The following OPCML variants were observed in gnomAD, a reference collection of about 807,000 sequenced individuals.
The protein encoded by OPCML is opioid-binding protein/cell adhesion molecule.
Under a neutral mutation model 37.8 loss-of-function variants are expected in OPCML, and 13 were observed. That is an observed-to-expected ratio of 0.34 (90% confidence interval 0.22 to 0.55). The LOEUF (loss-of-function observed/expected upper bound fraction) is 0.55. Ranked by LOEUF, OPCML falls within the 20% of genes least tolerant of loss-of-function variation. The pLI, the probability that OPCML is intolerant of heterozygous loss-of-function variation, is 0.91. For missense variants in OPCML, 341 were observed against 435.6 expected, an observed-to-expected ratio of 0.78 and a Z score of 1.93; for synonymous variants, 176 against 168.8, an observed-to-expected ratio of 1.04 and a Z score of -0.33.
At chr11:132,495,578 A>G (rs1349357425) in intron 4 of OPCML, among the ~76,000 whole-genome samples, 1 of 152,148 alleles carries the variant, frequency 6.6e-6, no homozygotes, top group Non-Finnish European at 1.5e-5. Flanking sequence ...TAGGATGAAT[A>G]TTGTATAGAG....
intron 2 of OPCML, among the ~76,000 whole-genome samples, chr11:132,782,925 A>ATATATATATATATATATATATATG (rs1555188326): frequency 2.4e-3 from 353 of 144,594 alleles, no homozygotes; most frequent in Non-Finnish European, 4.6e-3. Context: ...GTGTATATAT[A>ATATATATATATATATATATATATG]TATATATATA....
intron 1 of OPCML, among the ~76,000 whole-genome samples, chr11:132,945,295 T>C (rs1034137772): frequency 6.6e-6 from 1 of 152,260 alleles, no homozygotes; most frequent in African/African-American, 2.4e-5. Context: ...CTAGGCTGTA[T>C]GGTAGAGCCT....
Position 132,420,025 on chromosome 11 carries a change from A to AAAAAAC in OPCML, c.*167_*168insGTTTTT. The AAAAAAC allele has an allele frequency of 1.9e-6, 1 of 530,870 alleles. No homozygotes were observed. 32.9% of individuals were successfully genotyped at this position (530,870 alleles called of 1,614,324 possible). A position where few individuals can be genotyped will look rare whatever the true frequency, so the allele number is the denominator to read the frequency against. On this transcript the variant is annotated 3_prime_UTR_variant, in exon 8 of 8. Transcript: ENST00000524381. ...ACCCCGCCCCCAACCCCACTCATTC[A>AAAAAAC]AGCTGGAAATAAAAGCAAACAAACA... is the stretch of plus-strand genomic sequence containing the variant.
chr11:132,539,762 G>A (rs1389075194), intron 3 of OPCML, among the ~76,000 whole-genome samples: 1 of 152,054 alleles, frequency 6.6e-6, no homozygotes, highest in Non-Finnish European at 1.5e-5. Context: ...TAATGGTGAT[G>A]ATGATAACGA....
At chr11:133,352,647 C>G (rs145619041) in intron 1 of OPCML, among the ~76,000 whole-genome samples, 1 of 152,138 alleles carries the variant, frequency 6.6e-6, no homozygotes. Flanking sequence ...CTTACTACAG[C>G]GTATGGTGTA....
chr11:132,487,768 AG>A (rs1223396905), intron 4 of OPCML, among the ~76,000 whole-genome samples: 1 of 152,216 alleles, frequency 6.6e-6, no homozygotes, highest in Non-Finnish European at 1.5e-5. Flanking sequence ...ATTGAAGCTC[AG>A]GGCCATTAAG....
chr11:133,252,005 C>T (rs1023785257), intron 1 of OPCML, among the ~76,000 whole-genome samples: 6 of 152,224 alleles, frequency 3.9e-5, no homozygotes, highest in Middle Eastern at 6.8e-3. Context: ...CCCCCAGAGT[C>T]GACAGGGGAG....
intron 3 of OPCML, among the ~76,000 whole-genome samples, chr11:132,537,967 G>A (rs961835656): frequency 1.3e-5 from 2 of 152,180 alleles, no homozygotes; most frequent in Non-Finnish European, 2.9e-5. Context: ...TGGTGGGAAT[G>A]TAAAACAGCA....
chr11:133,383,044 T>C (rs76152155), intron 1 of OPCML, among the ~76,000 whole-genome samples: 871 of 152,140 alleles, frequency 5.7e-3, no homozygotes, highest in Middle Eastern at 0.014. Context: ...CACCTTTTTT[T>C]CCCCAAGGTC....
At chr11:132,638,186 T>G (rs71263362) in intron 3 of OPCML, among the ~76,000 whole-genome samples, 4 of 131,020 alleles carry the variant, frequency 3.1e-5, no homozygotes, top group African/African-American at 1.1e-4. Context: ...TATATATATA[T>G]ACAGAGAGAG....
chr11:133,213,381 A>G (rs66865033), intron 1 of OPCML, among the ~76,000 whole-genome samples: 13,265 of 152,230 alleles, frequency 0.087, 776 homozygotes, highest in South Asian at 0.22. Context: ...TCATTGCATA[A>G]TGAACATCTA....
intron 3 of OPCML, among the ~76,000 whole-genome samples, chr11:132,602,749 C>T (rs1437819383): frequency 6.6e-6 from 1 of 152,232 alleles, no homozygotes; most frequent in Non-Finnish European, 1.5e-5. Context: ...TAAATTAGAT[C>T]CCAGTCCATG....
At chr11:133,138,318 T>C (rs1221764010) in intron 1 of OPCML, among the ~76,000 whole-genome samples, 2 of 152,330 alleles carry the variant, frequency 1.3e-5, no homozygotes, top group East Asian at 3.9e-4. Context: ...AAACGTCTTT[T>C]GCTTTTAAAT....
chr11:132,886,123 T>C (rs1259230266), intron 2 of OPCML, among the ~76,000 whole-genome samples: 1 of 152,232 alleles, frequency 6.6e-6, no homozygotes, highest in Non-Finnish European at 1.5e-5. Context: ...ATTAGCGTAA[T>C]TTACATAACT....
intron 1 of OPCML, among the ~76,000 whole-genome samples, chr11:133,399,786 G>A (rs1045181850): frequency 1.3e-5 from 2 of 151,700 alleles, no homozygotes; most frequent in Admixed American, 1.3e-4. Flanking sequence ...TCCTTAAGCA[G>A]CATGTCATTT....
chr11:133,201,452 G>T (rs1938785223), intron 1 of OPCML, among the ~76,000 whole-genome samples: 1 of 152,070 alleles, frequency 6.6e-6, no homozygotes, highest in Non-Finnish European at 1.5e-5. Flanking sequence ...CAAACGTTTT[G>T]ATGAATTTTT....
intron 1 of OPCML, among the ~76,000 whole-genome samples, chr11:133,270,405 G>C (rs954160959): frequency 6.6e-6 from 1 of 152,110 alleles, no homozygotes; most frequent in Non-Finnish European, 1.5e-5. Context: ...TGGAAAATGA[G>C]AAGGCTAGAC....
chr11:133,453,642 C>T (rs1946620740), intron 1 of OPCML, among the ~76,000 whole-genome samples: 1 of 152,168 alleles, frequency 6.6e-6, no homozygotes, highest in South Asian at 2.1e-4. Context: ...CTCAGTGCAC[C>T]AGTTTCCTAA....
intron 1 of OPCML, among the ~76,000 whole-genome samples, chr11:133,198,503 T>TGAAAGAGCCG (rs1250243963): frequency 2.0e-5 from 3 of 152,198 alleles, no homozygotes; most frequent in Non-Finnish European, 4.4e-5. Context: ...ACATTGGGCA[T>TGAAAGAGCCG]GAAAGAGCCG....
Sources: gnomAD v4.1 joint callset for allele counts (sites outside exome capture counted in the v4.1 genomes callset) on GRCh38, gnomAD v4.1.1 for gene constraint, MANE v1.5 for transcripts, NCBI Gene and HGNC (gene_info 2026-07-23, HGNC 2026-07-21) for gene names.